Variants in ZNF764 observed in about 807,000 individuals in gnomAD.
ZNF764 encodes zinc finger protein 764.
A neutral mutation model predicts 13.9 loss-of-function variants in ZNF764; 10 were observed. The ratio of observed to expected loss-of-function variants is 0.72; its 90% CI spans 0.44 to 1.22. The LOEUF is 1.22. Among genes scored for constraint, ZNF764 ranks in the 50% most tolerant of loss-of-function variants. The pLI is 0.00. For missense variants in ZNF764, 647 were observed against 589.7 expected (o/e 1.10, Z -1.01); for synonymous variants, 313 against 255.1 (o/e 1.23, Z -2.16).
Position 30,557,816 on chromosome 16 carries a change from G to C in ZNF764, c.227C>G (p.Ser76Cys). Residue 76 changes from serine to cysteine, a missense_variant, in exon 2 of 3, where the codon TCC becomes TGC. Coordinates refer to ENST00000395091, the MANE Select transcript of ZNF764 (RefSeq NM_001172679.2). ...CAGTTCGGCCTCCTCCTCCACCCAG[G>C]AGATGAGAGCTGGCTTGTTGCCTCC... ...GIGGNKPALI[S>C]WVEEEAELWG... 6.2e-7 allele frequency: 1 copy of C among 1,611,472 alleles called. No homozygotes were observed. Among genetic ancestry groups the C allele is most frequent in the Non-Finnish European group, 8.5e-7 (1 of 1,178,736 alleles).
chr16:30,558,023 C>T lies in ZNF764; in HGVS notation c.160G>A (p.Val54Met). 5.6e-6 allele frequency: 9 copies of T among 1,611,038 alleles called. No individual in the cohort carries two copies. Among genetic ancestry groups the T allele is most frequent in the Non-Finnish European group, 7.6e-6 (9 of 1,178,888 alleles). Residue 54 changes from valine (V) to methionine (M), a missense_variant, in exon 1 of 3, where the codon GTG becomes ATG. By Grantham distance (21) the Val-to-Met change is conservative (BLOSUM62 1). Transcript: ENST00000395091. ...AGGTGGCCGTAGGTCTCCCGCATCA[C>T]GTCCCGGTACAGGGCCCTCTGCGCT... ...RPAQRALYRD[V>M]MRETYGHLSA...
At position 30,555,350 on chromosome 16, in the gene ZNF764, G is replaced by A. The variant is rs555129267; in HGVS notation, c.1068C>T (p.Ala356=). The part of the protein sequence containing the change: ...QCGRRFGQKS[A]VAKHQWVHRP... The stretch of plus-strand genomic sequence containing the variant: ...GATGAACCCACTGGTGTTTGGCCAC[G>A]GCTGACTTCTGGCCAAAGCGGCGGC... Residue 356 remains alanine, a synonymous_variant, in exon 3 of 3, where the codon GCC becomes GCT. Coordinates refer to ENST00000395091, the MANE Select transcript of ZNF764 (RefSeq NM_001172679.2). 3.6e-5 allele frequency: 58 copies of A among 1,606,094 alleles called. No individual in the cohort carries two copies. In the Middle Eastern group the frequency reaches 6.6e-4, roughly 18 times the overall value.
rs766309839 is a variant in ZNF764 at position 30,555,741 on chromosome 16, C to G, written c.677G>C (p.Gly226Ala). Residue 226 changes from glycine (G) to alanine (A), a missense_variant, in exon 3 of 3, where the codon GGG becomes GCG. Physicochemically the swap from Gly to Ala is moderately conservative, Grantham distance 60. Coordinates refer to ENST00000395091, the MANE Select transcript of ZNF764 (RefSeq NM_001172679.2). Reference protein sequence around the residue: ...SLSKHRAIHRGERPHRCLECG... With the variant: ...SLSKHRAIHRAERPHRCLECG... Reference sequence around the variant, plus strand: ...CTCCAGACAGCGGTGGGGCCGCTCCCCACGATGGATGGCCCGGTGTTTGCT... The same window carrying G: ...CTCCAGACAGCGGTGGGGCCGCTCCGCACGATGGATGGCCCGGTGTTTGCT... 3.1e-6 allele frequency: 5 copies of G among 1,603,354 alleles called. No individual in the cohort carries two copies. Among genetic ancestry groups the G allele is most frequent in the Non-Finnish European group, 4.2e-6 (5 of 1,177,070 alleles).
In ZNF764 at chr16:30,555,886, C is replaced by A; in HGVS notation, c.532G>T (p.Val178Leu). The change falls in exon 3 of 3, where the codon GTG becomes TTG. Residue 178 changes from valine (V) to leucine (L), a missense_variant. Transcript: ENST00000395091. Reference sequence around the variant, plus strand: ...CGCCAGGCAAAGCTCTTCCCGCACACGTAGCAGCCATGACGCTGGTCAGCT... The same window carrying A: ...CGCCAGGCAAAGCTCTTCCCGCACAAGTAGCAGCCATGACGCTGGTCAGCT... Reference protein sequence around the residue: ...PRADQRHGCYVCGKSFAWRST... With the variant: ...PRADQRHGCYLCGKSFAWRST... 1 of 1,611,986 alleles carries A rather than the reference C, an allele frequency of 6.2e-7. No homozygotes were observed. Among genetic ancestry groups the A allele is most frequent in the Non-Finnish European group, 8.5e-7 (1 of 1,179,322 alleles).
rs958232196 is a variant in ZNF764, at chr16:30,558,254, C to A, written c.-72G>T. 2 of 1,439,288 alleles carry A rather than the reference C, an allele frequency of 1.4e-6. No individual in the cohort carries two copies. Among genetic ancestry groups the A allele is most frequent in the Admixed American group, 2.8e-5 (1 of 36,176 alleles). The allele number at this position is 1,439,288 out of a possible 1,614,324, so 89.2% of individuals were successfully genotyped here. ...GCCTGGGCCTGCGGAACCTCCTGCGCCCGAGAAAGCCTCCCCGGCCCGGGC... is the reference window on the plus strand; with the variant it reads ...GCCTGGGCCTGCGGAACCTCCTGCGACCGAGAAAGCCTCCCCGGCCCGGGC... On this transcript the variant is annotated 5_prime_UTR_variant, in exon 1 of 3. Transcript: ENST00000395091.
At position 30,558,010 on chromosome 16, in the gene ZNF764, G is replaced by C; in HGVS notation, c.173C>G (p.Thr58Ser). 1 of 1,608,744 alleles carries C rather than the reference G, an allele frequency of 6.2e-7. No individual in the cohort carries two copies. Among genetic ancestry groups the C allele is most frequent in the Non-Finnish European group, 8.5e-7 (1 of 1,177,950 alleles). ...RALYRDVMRE[T>S]YGHLSALGIG... ...ACCGAGAGCGCTCAGGTGGCCGTAG[G>C]TCTCCCGCATCACGTCCCGGTACAG... The change falls in exon 1 of 3, where the codon ACC becomes AGC. Residue 58 changes from threonine (T) to serine (S), a missense_variant. Coordinates refer to ENST00000395091, the MANE Select transcript of ZNF764 (RefSeq NM_001172679.2).
intron 2 of ZNF764, 56 bp from the exon 3 acceptor site, chr16:30,556,163 C>G: frequency 6.3e-7 from 1 of 1,596,490 alleles, no homozygotes; most frequent in Admixed American, 1.7e-5. Flanking sequence ...GTCCTTGAAT[C>G]CCACAGCCCG....
At chr16:30,557,954 C>T in intron 1 of ZNF764, 33 bp downstream of exon 1, 1 of 1,578,996 alleles carries the variant, frequency 6.3e-7, no homozygotes, top group Non-Finnish European at 8.6e-7. Flanking sequence ...CCTGTGGGGG[C>T]GCAGGGCTCA....
In ZNF764 at chr16:30,557,735, G is replaced by C; in HGVS notation, c.308C>G (p.Pro103Arg). The change falls in exon 2 of 3, where the codon CCA (proline) becomes CGA (arginine). Residue 103 changes from proline (P) to arginine (R), a missense_variant and splice_region_variant. Physicochemically the swap from Pro to Arg is moderately radical, Grantham distance 103. Coordinates refer to ENST00000395091, the MANE Select transcript of ZNF764 (RefSeq NM_001172679.2). ...EVAKCQTQTD[P>R]DSRNKKKERQ... ...GGACTGAGCACCCGATACTCCACCT[G>C]GGTCCGTTTGTGTCTGACATTTCGC... The C allele has an allele frequency of 1.2e-6, 2 of 1,613,520 alleles. No individual in the cohort carries two copies. Among genetic ancestry groups the C allele is most frequent in the Non-Finnish European group, 1.7e-6 (2 of 1,179,718 alleles).
At position 30,555,623 on chromosome 16, in the gene ZNF764, G is replaced by C; in HGVS notation, c.795C>G (p.Arg265=). ...AGAGGGCAGAGCTCTGGCTGAAGCGGCGGCCACAGTCGGCGCAGCCATAGG... is the reference window on the plus strand; with the variant it reads ...AGAGGGCAGAGCTCTGGCTGAAGCGCCGGCCACAGTCGGCGCAGCCATAGG... ...EKPYGCADCG[R]RFSQSSALYQ... The change falls in exon 3 of 3, where the codon CGC becomes CGG. Residue 265 remains arginine (R), a synonymous_variant. Transcript: ENST00000395091. 1.9e-6 allele frequency: 3 copies of C among 1,541,334 alleles called. No homozygotes were observed. The highest frequency in any genetic ancestry group is 1.2e-5 in the South Asian group (1 of 84,166).
chr16:30,555,667 C>T lies in ZNF764; in HGVS notation c.751G>A (p.Val251Ile), dbSNP rs1336906334. 19 of 1,548,484 alleles carry T rather than the reference C, an allele frequency of 1.2e-5. No homozygotes were observed. The highest frequency in any genetic ancestry group is 9.7e-5 in the Admixed American group (5 of 51,290). The part of the protein sequence containing the change: ...QRSALTSHLR[V>I]HTGEKPYGCA... ...CCATAGGGTTTCTCGCCGGTGTGGA[C>T]GCGCAGGTGCGAAGTCAGCGCCGAG... is the stretch of plus-strand genomic sequence containing the variant. Residue 251 changes from valine to isoleucine, a missense_variant, in exon 3 of 3, where the codon GTC becomes ATC. Transcript: ENST00000395091.
At chr16:30,557,461 G>A (rs1358110040) in intron 2 of ZNF764, among the ~76,000 whole-genome samples, 3 of 152,182 alleles carry the variant, frequency 2.0e-5, no homozygotes, top group South Asian at 2.1e-4. Context: ...GCGAGACCCT[G>A]TCTCTAAAAC....
Position 30,555,456 on chromosome 16 carries a change from C to A in ZNF764, c.962G>T (p.Arg321Leu). Residue 321 changes from arginine to leucine, a missense_variant, in exon 3 of 3, where the codon CGC becomes CTC. Physicochemically the swap from Arg to Leu is moderately radical, Grantham distance 102 (BLOSUM62 -2). Coordinates refer to ENST00000395091, the MANE Select transcript of ZNF764 (RefSeq NM_001172679.2). ...EKPYPCPDCG[R>L]CFRQSSEMAA... ...CATCTCCGAGCTCTGGCGGAAGCAGCGCCCGCAGTCCGGGCACGGGTAGGG... is the reference window on the plus strand; with the variant it reads ...CATCTCCGAGCTCTGGCGGAAGCAGAGCCCGCAGTCCGGGCACGGGTAGGG... 1 of 1,546,594 alleles carries A rather than the reference C, an allele frequency of 6.5e-7. No homozygotes were observed. The highest frequency in any genetic ancestry group is 1.2e-5 in the South Asian group (1 of 82,770).
rs775982696 is a variant in ZNF764 at position 30,555,980 on chromosome 16, A to G, written c.438T>C (p.Gly146=). 2 of 1,612,000 alleles carry G rather than the reference A, an allele frequency of 1.2e-6. No homozygotes were observed. The highest frequency in any genetic ancestry group is 1.1e-5 in the South Asian group (1 of 91,066). Reference sequence around the variant, plus strand: ...GCGGTGCCTTGGACAGCTGCTCCCAACCATAAGGGGGCCCGGCCGAGGGGG... The same window carrying G: ...GCGGTGCCTTGGACAGCTGCTCCCAGCCATAAGGGGGCCCGGCCGAGGGGG... ...PQAPSAGPPY[G]WEQLSKAPHR... is the part of the protein sequence containing the mutation. The change falls in exon 3 of 3, where the codon GGT becomes GGC. Residue 146 remains glycine, a synonymous_variant. Coordinates refer to ENST00000395091, the MANE Select transcript of ZNF764 (RefSeq NM_001172679.2).
rs2051528785 is a variant in ZNF764, at chr16:30,554,176, A to C, written c.*1018T>G. 1 of 152,050 alleles carries C rather than the reference A, an allele frequency of 6.6e-6. No homozygotes were observed. Among genetic ancestry groups the C allele is most frequent in the Admixed American group, 6.6e-5 (1 of 15,262 alleles). The allele number at this position is 152,050 out of a possible 1,614,324, so 9.4% of individuals were successfully genotyped here. On this transcript the variant is annotated 3_prime_UTR_variant, in exon 3 of 3. Transcript: ENST00000395091. Reference sequence around the variant, plus strand: ...TGGATTTTTCAAAAGACACCAGAAAACCTGTATTTGGTTGTAAAATATCCT... The same window carrying C: ...TGGATTTTTCAAAAGACACCAGAAACCCTGTATTTGGTTGTAAAATATCCT...
At position 30,557,713 on chromosome 16, in the gene ZNF764, C is replaced by G; in HGVS notation, c.310+20G>C. Reference sequence around the variant, plus strand: ...CAGGAACAGAGAAGTCCCCATGGGACTGAGCACCCGATACTCCACCTGGGT... The same window carrying G: ...CAGGAACAGAGAAGTCCCCATGGGAGTGAGCACCCGATACTCCACCTGGGT... On this transcript the variant is annotated intron_variant, in intron 2 of 2. Transcript: ENST00000395091. 1.2e-6 allele frequency: 2 copies of G among 1,612,944 alleles called. No homozygotes were observed. The highest frequency in any genetic ancestry group is 1.1e-5 in the South Asian group (1 of 90,846).
intron 2 of ZNF764, among the ~76,000 whole-genome samples, chr16:30,556,751 G>C (rs1219447807): frequency 6.6e-6 from 1 of 152,042 alleles, no homozygotes; most frequent in Non-Finnish European, 1.5e-5. Context: ...GACGCAGTGG[G>C]TCACTTTGGA....
At position 30,555,219 on chromosome 16, in the gene ZNF764, G is replaced by A. The variant is rs772952847; in HGVS notation, c.1199C>T (p.Pro400Leu). 2.5e-6 allele frequency: 4 copies of A among 1,610,940 alleles called. No homozygotes were observed. Among genetic ancestry groups the A allele is most frequent in the South Asian group, 2.2e-5 (2 of 90,764 alleles). ...TCACCCACACTCCTGGAATATCTCC[G>A]GGTACAGCTGGAAGCCCACGGGCGG... ...LDPPVGFQLY[P>L]EIFQECG Residue 400 changes from proline to leucine, a missense_variant, in exon 3 of 3, where the codon CCG becomes CTG. Physicochemically the swap from Pro to Leu is moderately conservative, Grantham distance 98. Coordinates refer to ENST00000395091, the MANE Select transcript of ZNF764 (RefSeq NM_001172679.2).
At chr16:30,556,143 G>T in intron 2 of ZNF764, 36 bp from the exon 3 acceptor site, 1 of 1,605,426 alleles carries the variant, frequency 6.2e-7, no homozygotes. Context: ...TTCAGGCTCG[G>T]CTCATCCTGG....
Sources: gnomAD v4.1 joint callset for allele counts (sites outside exome capture counted in the v4.1 genomes callset) on GRCh38, gnomAD v4.1.1 for gene constraint, MANE v1.5 for transcripts, NCBI Gene and HGNC (gene_info 2026-07-23, HGNC 2026-07-21) for gene names.